Variants in TBL1X observed in about 807,000 individuals in gnomAD.
TBL1X encodes transducin beta like 1 X-linked.
In TBL1X, 10 loss-of-function variants were observed where a neutral mutation model predicts 50.7. The ratio of observed to expected loss-of-function variants is 0.20; its 90% CI spans 0.12 to 0.33. The LOEUF (loss-of-function observed/expected upper bound fraction) is 0.33. Ranked by LOEUF, TBL1X falls within the 10% of genes least tolerant of loss-of-function variation. The pLI is 1.00. For missense variants in TBL1X, 340 were observed against 504.4 expected (o/e 0.67, Z 3.12); for synonymous variants, 190 against 214.7 (o/e 0.88, Z 1.01).
At chrX:9,627,616 A>T (rs1446779121) in intron 2 of TBL1X, among the ~76,000 whole-genome samples, 1 of 112,781 alleles carries the variant, frequency 8.9e-6, no homozygotes, top group African/African-American at 3.2e-5. Flanking sequence ...TACATTGTGC[A>T]TTGGAAATTG....
At chrX:9,657,633 A>G (rs1008789218) in intron 5 of TBL1X, among the ~76,000 whole-genome samples, 2 of 112,339 alleles carry the variant, frequency 1.8e-5, no homozygotes, top group African/African-American at 6.5e-5. Context: ...CTTTTAGCAA[A>G]CCACATATAT....
chrX:9,653,724 G>C, intron 4 of TBL1X, 35 bp downstream of exon 4: 1 of 1,136,139 alleles, frequency 8.8e-7, no homozygotes, highest in Non-Finnish European at 1.2e-6. Context: ...GGACCGTGTG[G>C]TCACTCTTTG....
intron 2 of TBL1X, among the ~76,000 whole-genome samples, chrX:9,541,869 A>C (rs1460010770): frequency 1.8e-5 from 2 of 111,215 alleles, no homozygotes; most frequent in Non-Finnish European, 3.8e-5. Context: ...GACAACGATC[A>C]CAAACTTCAT....
chrX:9,702,125 A>G (rs2083177479), intron 12 of TBL1X, among the ~76,000 whole-genome samples: 2 of 111,414 alleles, frequency 1.8e-5, no homozygotes, highest in South Asian at 7.6e-4. Context: ...TTCTCAGTTC[A>G]GCGCTGACTG....
chrX:9,693,055 GTGTACCTGGATCCTCGGA>G, intron 9 of TBL1X, 76 bp from the exon 10 acceptor site: 1 of 912,719 alleles, frequency 1.1e-6, no homozygotes, highest in South Asian at 2.0e-5. Context: ...AATGGTTCCA[GTGTACCTGGATCCTCGGA>G]GAGGCTCTCC....
chrX:9,519,356 C>G (rs2082096267), intron 2 of TBL1X, among the ~76,000 whole-genome samples: 1 of 111,462 alleles, frequency 9.0e-6, no homozygotes, highest in African/African-American at 3.3e-5. Context: ...AGTGATCCTC[C>G]CACTGCATTG....
chrX:9,548,599 G>A (rs1395770212), intron 2 of TBL1X, among the ~76,000 whole-genome samples: 4 of 112,127 alleles, frequency 3.6e-5, no homozygotes, highest in African/African-American at 9.7e-5. Flanking sequence ...AATGTACAGC[G>A]TTTGTACATG....
upstream of TBL1X, among the ~76,000 whole-genome samples, chrX:9,464,810 C>T (rs1299268616): frequency 6.3e-5 from 7 of 110,371 alleles, no homozygotes; most frequent in African/African-American, 2.3e-4. Context: ...GCGGGGCGGG[C>T]TTGGTAGGGA....
chrX:9,471,257 A>G (rs958856915), intron 1 of TBL1X, among the ~76,000 whole-genome samples: 1 of 112,135 alleles, frequency 8.9e-6, no homozygotes, highest in African/African-American at 3.2e-5. Context: ...CATGTTTTCT[A>G]ATATAATCCT....
At chrX:9,632,891 T>TAA (rs1177682781) in intron 2 of TBL1X, among the ~76,000 whole-genome samples, 2 of 111,993 alleles carry the variant, frequency 1.8e-5, no homozygotes, top group African/African-American at 6.5e-5. Context: ...GTTTCAGCTA[T>TAA]AAAAGCTATT....
chrX:9,589,470 G>A (rs1393285184), intron 2 of TBL1X, among the ~76,000 whole-genome samples: 2 of 110,143 alleles, frequency 1.8e-5, no homozygotes, highest in Non-Finnish European at 3.8e-5. Context: ...CTTGATTGGG[G>A]ATACCTTTTG....
In TBL1X at chrX:9,514,373, G is replaced by C. The variant is rs145896258; in HGVS notation, c.-131+12524G>C. Among the ~76,000 whole-genome samples the C allele has an allele frequency of 5.6e-3, 622 of 110,220 alleles. 3 individuals are homozygous for C. The highest frequency in any genetic ancestry group is 8.3e-3 in the Non-Finnish European group (439 of 52,797). ...TTGCAGGAGATTGAGTCTTAATCCA[G>C]TTGAAGACCTTTATTTCCTTGCTAG... On this transcript the variant is annotated intron_variant, in intron 2 of 17. Transcript: ENST00000645353.
At chrX:9,691,757 A>G in intron 8 of TBL1X, 46 bp downstream of exon 8, 2 of 1,195,206 alleles carry the variant, frequency 1.7e-6, no homozygotes, top group Non-Finnish European at 2.3e-6. Context: ...GGGAGATGGG[A>G]GATGCAAGCT....
chrX:9,607,918 A>G (rs550563671), intron 2 of TBL1X, among the ~76,000 whole-genome samples: 15 of 108,707 alleles, frequency 1.4e-4, no homozygotes, highest in Admixed American at 1.2e-3. Context: ...GGCTTAAGCA[A>G]TCCTCCCACC....
chrX:9,485,611 G>C lies in TBL1X; in HGVS notation c.-200-16169G>C, dbSNP rs994936403. Among the ~76,000 whole-genome samples the C allele has an allele frequency of 2.7e-5, 3 of 112,061 alleles. No individual in the cohort carries two copies. In the East Asian group the frequency reaches 8.5e-4, roughly 32 times the overall value. On this transcript the variant is annotated intron_variant, in intron 1 of 17. Transcript: ENST00000645353. ...CCTTCTGATGGGATGGCCGGGCTGT[G>C]TTGTCAGCACCCGCCCACATGAGAC... is the stretch of plus-strand genomic sequence containing the variant.
At chrX:9,502,862 A>G (rs2082008132) in intron 2 of TBL1X, among the ~76,000 whole-genome samples, 1 of 112,477 alleles carries the variant, frequency 8.9e-6, no homozygotes, top group Non-Finnish European at 1.9e-5. Context: ...AGCAGAGAAC[A>G]TCCCTCACCA....
chrX:9,590,486 G>A (rs1242397304), intron 2 of TBL1X, among the ~76,000 whole-genome samples: 1 of 111,447 alleles, frequency 9.0e-6, no homozygotes, highest in East Asian at 2.8e-4. Flanking sequence ...TTTTCAGTTC[G>A]GATTCTTAGT....
intron 5 of TBL1X, among the ~76,000 whole-genome samples, chrX:9,669,324 T>C (rs2082947792): frequency 8.9e-6 from 1 of 111,874 alleles, no homozygotes; most frequent in Non-Finnish European, 1.9e-5. Flanking sequence ...CCTCCTGATA[T>C]GGGAAACAGC....
At chrX:9,706,823 C>T (rs941850299) in intron 13 of TBL1X, among the ~76,000 whole-genome samples, 1 of 111,316 alleles carries the variant, frequency 9.0e-6, no homozygotes, top group African/African-American at 3.3e-5. Context: ...GCACCTTGCC[C>T]CGCGCTGAGC....
Sources: gnomAD v4.1 joint callset for allele counts (sites outside exome capture counted in the v4.1 genomes callset) on GRCh38, gnomAD v4.1.1 for gene constraint, MANE v1.5 for transcripts, NCBI Gene and HGNC (gene_info 2026-07-23, HGNC 2026-07-21) for gene names.